GRAP2: variants seen among roughly 807,000 people sequenced by gnomAD.
The protein encoded by GRAP2 is GRB2-related adapter protein 2.
In GRAP2, 31 loss-of-function variants were observed where a neutral mutation model predicts 43.5. The observed-to-expected ratio is 0.71, with a 90% CI of 0.54 to 0.96. The LOEUF is 0.96. GRAP2 is among the 40% of genes least tolerant of loss of function. The pLI is 0.00. For missense variants in GRAP2, 371 were observed against 424.4 expected (o/e 0.87, Z 1.11); for synonymous variants, 156 against 164.8 (o/e 0.95, Z 0.41).
chr22:39,970,914 T>C lies in GRAP2; in HGVS notation c.823T>C (p.Trp275Arg). The change falls in exon 8 of 8, where the codon TGG becomes CGG. Residue 275 changes from tryptophan to arginine, a missense_variant. Physicochemically the swap from Trp to Arg is moderately radical, Grantham distance 101. Coordinates refer to ENST00000344138, the MANE Select transcript of GRAP2 (RefSeq NM_004810.4). Reference protein sequence around the residue: ...VQLQAAGRVRWARALYDFEAL... With the variant: ...VQLQAAGRVRRARALYDFEAL... ...GTGCTTCCCCCAACAGCGAGTGCGG[T>C]GGGCCCGGGCGCTGTATGACTTTGA... The C allele has an allele frequency of 1.9e-6, 3 of 1,602,600 alleles. No homozygotes were observed. The highest frequency in any genetic ancestry group is 2.6e-6 in the Non-Finnish European group (3 of 1,174,988).
intron 2 of GRAP2, chr22:39,948,304 G>C (rs2066945654): frequency 1.3e-5 from 2 of 152,056 alleles, no homozygotes; most frequent in South Asian, 4.2e-4. Flanking sequence ...TGGGCCTCCT[G>C]ACCCAGGAAA....
At chr22:39,896,601 T>C (rs2066467438), upstream of GRAP2, among the ~76,000 whole-genome samples, 2 of 152,070 alleles carry the variant, frequency 1.3e-5, no homozygotes, top group South Asian at 4.2e-4. Flanking sequence ...GTAGTCAGCA[T>C]ATAGAAGGTG....
Position 39,955,889 on chromosome 22 carries a change from T to A in GRAP2, c.149T>A (p.Phe50Tyr). ...GSQEGYVPKN[F>Y]IDIQFPKWFH... ...CAGGAAGGATATGTGCCCAAGAATTTCATAGACATCCAGTTTCCCAAGTAA... is the reference window on the plus strand; with the variant it reads ...CAGGAAGGATATGTGCCCAAGAATTACATAGACATCCAGTTTCCCAAGTAA... The change falls in exon 3 of 8, where the codon TTC (phenylalanine) becomes TAC (tyrosine). Residue 50 changes from phenylalanine (F) to tyrosine (Y), a missense_variant. Physicochemically the swap from Phe to Tyr is conservative, Grantham distance 22. Transcript: ENST00000344138. 6.4e-7 allele frequency: 1 copy of A among 1,551,742 alleles called. No individual in the cohort carries two copies. The highest frequency in any genetic ancestry group is 8.9e-7 in the Non-Finnish European group (1 of 1,123,086).
rs1435623771 is a variant in GRAP2, at chr22:39,973,229, T to C, written c.*2145T>C. The stretch of plus-strand genomic sequence containing the variant: ...AACTCCATCCAGTTGTCTGATGATG[T>C]GGGAGGACCAGCTCTAGTTAGACGG... On this transcript the variant is annotated 3_prime_UTR_variant, in exon 8 of 8. Transcript: ENST00000344138. The C allele has an allele frequency of 6.6e-6, 1 of 152,294 alleles. No homozygotes were observed. The highest frequency in any genetic ancestry group is 1.5e-5 in the Non-Finnish European group (1 of 68,040). The allele number at this position is 152,294 out of a possible 1,614,324, so 9.4% of individuals were successfully genotyped here.
chr22:39,913,312 A>G (rs968014485), intron 1 of GRAP2, among the ~76,000 whole-genome samples: 3 of 152,144 alleles, frequency 2.0e-5, no homozygotes, highest in African/African-American at 7.2e-5. Context: ...CTTCAGTTCT[A>G]GAGTGGATAC....
chr22:39,970,132 T>C (rs1285260531), intron 7 of GRAP2, among the ~76,000 whole-genome samples: 1 of 152,148 alleles, frequency 6.6e-6, no homozygotes, highest in Admixed American at 6.5e-5. Flanking sequence ...TTTTTGTTTT[T>C]TGAGACAGGG....
At chr22:39,921,220 T>C (rs1397825197) in intron 1 of GRAP2, among the ~76,000 whole-genome samples, 1 of 152,186 alleles carries the variant, frequency 6.6e-6, no homozygotes, top group Admixed American at 6.5e-5. Flanking sequence ...CCAGCCTGGA[T>C]TTGAATTTCA....
At chr22:39,948,747 A>G (rs961300916) in intron 2 of GRAP2, among the ~76,000 whole-genome samples, 1 of 151,978 alleles carries the variant, frequency 6.6e-6, no homozygotes, top group Non-Finnish European at 1.5e-5. Flanking sequence ...TAATGACCCT[A>G]TGGAAATGTC....
chr22:39,915,801 A>G (rs1328758248), intron 1 of GRAP2, among the ~76,000 whole-genome samples: 1 of 152,230 alleles, frequency 6.6e-6, no homozygotes, highest in Non-Finnish European at 1.5e-5. Flanking sequence ...TTTAAAAAGC[A>G]GCTGGATGAT....
chr22:39,962,664 C>T (rs1374532777), intron 4 of GRAP2, among the ~76,000 whole-genome samples: 2 of 151,608 alleles, frequency 1.3e-5, no homozygotes, highest in South Asian at 4.2e-4. Flanking sequence ...TTTGTGGTTT[C>T]GTTGGTTTTT....
intron 1 of GRAP2, among the ~76,000 whole-genome samples, chr22:39,918,391 G>T (rs1336439480): frequency 6.6e-6 from 1 of 152,132 alleles, no homozygotes; most frequent in Non-Finnish European, 1.5e-5. Flanking sequence ...TCCATATTGG[G>T]CCCTAAATGA....
At chr22:39,964,473 A>G in intron 4 of GRAP2, 1 of 1,025,874 alleles carries the variant, frequency 9.7e-7, no homozygotes, top group Non-Finnish European at 1.5e-6. Flanking sequence ...AGCAGAAACA[A>G]AAAGAGGAGC....
At chr22:39,942,094 A>G (rs1414489013) in intron 1 of GRAP2, among the ~76,000 whole-genome samples, 2 of 152,212 alleles carry the variant, frequency 1.3e-5, no homozygotes, top group African/African-American at 4.8e-5. Context: ...GGGTTCCTTT[A>G]TAGAGTGAGC....
chr22:39,923,550 A>G (rs1256752377), intron 1 of GRAP2, among the ~76,000 whole-genome samples: 2 of 152,172 alleles, frequency 1.3e-5, no homozygotes, highest in African/African-American at 4.8e-5. Context: ...AAGCTTTCTG[A>G]AGCCAGGGAT....
chr22:39,909,340 A>G (rs1261613169), intron 1 of GRAP2, among the ~76,000 whole-genome samples: 4 of 152,238 alleles, frequency 2.6e-5, no homozygotes, highest in Non-Finnish European at 5.9e-5. Context: ...GCTTTTAGAG[A>G]GCAGACTTTT....
At chr22:39,970,097 C>T (rs767345299) in intron 7 of GRAP2, among the ~76,000 whole-genome samples, 11 of 152,114 alleles carry the variant, frequency 7.2e-5, no homozygotes, top group Non-Finnish European at 1.2e-4. Context: ...TAGTCCTTTA[C>T]CATTGCCTTT....
intron 1 of GRAP2, among the ~76,000 whole-genome samples, chr22:39,945,963 C>T (rs2066918125): frequency 2.0e-5 from 3 of 152,170 alleles, no homozygotes; most frequent in Admixed American, 1.3e-4. Context: ...CAGGTTCAAG[C>T]GATTATCCTG....
At chr22:39,941,606 C>T (rs1317676357) in intron 1 of GRAP2, among the ~76,000 whole-genome samples, 1 of 152,154 alleles carries the variant, frequency 6.6e-6, no homozygotes, top group Admixed American at 6.5e-5. Context: ...AATAATAATA[C>T]TTCCTGTCAT....
rs924649741 is a variant in GRAP2, at chr22:39,940,181, A to G, written c.-14-6912A>G. On this transcript the variant is annotated intron_variant, in intron 1 of 7. Coordinates refer to ENST00000344138, the MANE Select transcript of GRAP2 (RefSeq NM_004810.4). The stretch of plus-strand genomic sequence containing the variant: ...TTAGAAGTGATTCAAGAGCAGGCAC[A>G]GTAAAGGAATATGTAAGCCTTGGTA... 5.3e-5 allele frequency among the ~76,000 whole-genome samples: 8 copies of G among 152,232 alleles called. No homozygotes were observed. In the East Asian group the frequency reaches 1.3e-3, roughly 26 times the overall value.
Sources: allele counts gnomAD v4.1 joint callset (sites outside exome capture counted in the v4.1 genomes callset), GRCh38; gene constraint gnomAD v4.1.1; transcripts MANE v1.5; gene names NCBI Gene and HGNC (gene_info 2026-07-23, HGNC 2026-07-21).